The following MRPL37 variants were observed in gnomAD, a reference collection of about 807,000 sequenced individuals.
MRPL37 encodes mitochondrial ribosomal protein L37, also known as large ribosomal subunit protein mL37.
A neutral mutation model predicts 44.1 loss-of-function variants in MRPL37; 34 were observed. That is an observed-to-expected ratio of 0.77 (90% confidence interval 0.59 to 1.03). The LOEUF is 1.03. Ranked by LOEUF, MRPL37 falls within the 50% of genes least tolerant of loss-of-function variation. MRPL37 has a pLI of 0.00. For missense variants in MRPL37, 532 were observed against 543.7 expected, an observed-to-expected ratio of 0.98 and a Z score of 0.21; for synonymous variants, 212 against 219.5, an observed-to-expected ratio of 0.97 and a Z score of 0.30.
At chr1:54,217,541 T>C (rs1644206522) in intron 6 of MRPL37, among the ~76,000 whole-genome samples, 1 of 152,242 alleles carries the variant, frequency 6.6e-6, no homozygotes, top group Admixed American at 6.5e-5. Context: ...CAGCCCGATC[T>C]TGCCCTTCCT....
chr1:54,213,930 C>T (rs1475132587), intron 5 of MRPL37, among the ~76,000 whole-genome samples: 1 of 152,200 alleles, frequency 6.6e-6, no homozygotes, highest in East Asian at 1.9e-4. Context: ...TACCTGTAAT[C>T]CCAGCACTTT....
chr1:54,206,905 T>G (rs1314691366), intron 3 of MRPL37, among the ~76,000 whole-genome samples: 1 of 150,162 alleles, frequency 6.7e-6, no homozygotes, highest in Non-Finnish European at 1.5e-5. Flanking sequence ...CAGCTAATTT[T>G]TGTGTGTGTG....
chr1:54,209,805 C>A, intron 3 of MRPL37, 141 bp from the exon 4 acceptor site: 1 of 818,464 alleles, frequency 1.2e-6, no homozygotes, highest in South Asian at 1.9e-5. Flanking sequence ...TCATGTTGCC[C>A]AGGCTGACCT....
chr1:54,202,361 A>G (rs1366745189), intron 1 of MRPL37, among the ~76,000 whole-genome samples: 1 of 151,980 alleles, frequency 6.6e-6, no homozygotes, highest in Non-Finnish European at 1.5e-5. Context: ...TATGGATCTT[A>G]AAGTGAAAAG....
At chr1:54,206,176 A>T (rs1363214580) in intron 3 of MRPL37, among the ~76,000 whole-genome samples, 3 of 152,020 alleles carry the variant, frequency 2.0e-5, no homozygotes, top group Non-Finnish European at 4.4e-5. Flanking sequence ...GCAGTGGGGC[A>T]ATCTCAGCTT....
At chr1:54,221,930 G>C (rs1466805397), downstream of MRPL37, among the ~76,000 whole-genome samples, 1 of 152,270 alleles carries the variant, frequency 6.6e-6, no homozygotes, top group Admixed American at 6.5e-5. Context: ...GGAGCTCCTG[G>C]GGTACTGGGT....
At chr1:54,215,598 G>T (rs993417533) in intron 5 of MRPL37, among the ~76,000 whole-genome samples, 1 of 152,162 alleles carries the variant, frequency 6.6e-6, no homozygotes, top group African/African-American at 2.4e-5. Flanking sequence ...CAGGGGCGTG[G>T]GGGAAGGGTG....
chr1:54,209,797 A>T (rs1644150988), intron 3 of MRPL37, 149 bp from the exon 4 acceptor site: 10 of 753,870 alleles, frequency 1.3e-5, no homozygotes, highest in Non-Finnish European at 1.9e-5. Flanking sequence ...GGGCTTTGTC[A>T]TGTTGCCCAG....
At chr1:54,225,116 T>C (rs1644267689), downstream of MRPL37, 2 of 1,234,312 alleles carry the variant, frequency 1.6e-6, no homozygotes, top group East Asian at 6.3e-5. Flanking sequence ...AACCTTTTTC[T>C]ACTTCCAGAA....
intron 1 of MRPL37, among the ~76,000 whole-genome samples, chr1:54,203,386 A>C (rs769454318): frequency 4.6e-5 from 7 of 152,132 alleles, no homozygotes; most frequent in Non-Finnish European, 8.8e-5. Context: ...AAATTAAAAA[A>C]CAGGCGAGGG....
intron 3 of MRPL37, among the ~76,000 whole-genome samples, chr1:54,206,762 G>A (rs1644125865): frequency 6.7e-6 from 1 of 148,598 alleles, no homozygotes; most frequent in South Asian, 2.1e-4. Flanking sequence ...TTTTCCAGAT[G>A]GAGTTTTGCT....
chr1:54,208,283 C>G (rs1435350062), intron 3 of MRPL37, among the ~76,000 whole-genome samples: 1 of 152,104 alleles, frequency 6.6e-6, no homozygotes, highest in Non-Finnish European at 1.5e-5. Flanking sequence ...TGGCTCATTC[C>G]TGTAATCCCA....
downstream of MRPL37, among the ~76,000 whole-genome samples, chr1:54,221,717 T>G (rs752563986): frequency 3.3e-5 from 5 of 150,844 alleles, no homozygotes; most frequent in Non-Finnish European, 7.4e-5. Flanking sequence ...CACACACACG[T>G]GTACACGAGA....
intron 5 of MRPL37, 43 bp from the exon 6 acceptor site, chr1:54,216,098 C>G: frequency 6.2e-7 from 1 of 1,607,058 alleles, no homozygotes; most frequent in South Asian, 1.1e-5. Context: ...TCCTTACACT[C>G]CACAGCTTCT....
chr1:54,214,828 G>C (rs1644187020), intron 5 of MRPL37, among the ~76,000 whole-genome samples: 1 of 152,220 alleles, frequency 6.6e-6, no homozygotes, highest in Non-Finnish European at 1.5e-5. Flanking sequence ...CAGTTTTATT[G>C]ATCTGTAGAG....
At chr1:54,203,315 C>T (rs1217042118) in intron 1 of MRPL37, among the ~76,000 whole-genome samples, 3 of 151,886 alleles carry the variant, frequency 2.0e-5, no homozygotes, top group African/African-American at 4.8e-5. Context: ...GGCCTGGCTA[C>T]GTATACGCCA....
intron 4 of MRPL37, among the ~76,000 whole-genome samples, chr1:54,210,410 CT>C (rs112157934): frequency 6.0e-5 from 9 of 150,028 alleles, no homozygotes; most frequent in African/African-American, 1.5e-4. Context: ...GCTTGAGGGA[CT>C]TTTTTTTTTC....
intron 3 of MRPL37, among the ~76,000 whole-genome samples, chr1:54,209,195 G>C (rs976806200): frequency 2.0e-5 from 3 of 152,182 alleles, no homozygotes; most frequent in African/African-American, 7.2e-5. Context: ...TGGTTCCCCA[G>C]GTTACAGCAG....
chr1:54,213,893 C>G (rs1201435300), intron 5 of MRPL37, among the ~76,000 whole-genome samples: 1 of 152,024 alleles, frequency 6.6e-6, no homozygotes, highest in South Asian at 2.1e-4. Flanking sequence ...ACTAAAAACA[C>G]AAAGATTAGC....
Sources: gnomAD v4.1 joint callset for allele counts (sites outside exome capture counted in the v4.1 genomes callset) on GRCh38, gnomAD v4.1.1 for gene constraint, MANE v1.5 for transcripts, NCBI Gene and HGNC (gene_info 2026-07-23, HGNC 2026-07-21) for gene names.